The following NALF1 variants were observed in gnomAD, a reference collection of about 807,000 sequenced individuals.
NALF1 encodes NALCN channel auxiliary factor 1, also known as family with sequence similarity 155 member A.
A neutral mutation model predicts 48.4 loss-of-function variants in NALF1; 3 were observed. That is an observed-to-expected ratio of 0.06 (90% CI 0.03 to 0.16). NALF1 has a LOEUF of 0.16. NALF1 is among the 10% of genes least tolerant of loss of function. NALF1 has a pLI of 1.00. For missense variants in NALF1, 526 were observed against 571.5 expected (o/e 0.92, Z 0.81); for synonymous variants, 262 against 245.7 (o/e 1.07, Z -0.62).
chr13:107,717,984 G>A (rs529795110), intron 1 of NALF1, among the ~76,000 whole-genome samples: 1 of 152,226 alleles, frequency 6.6e-6, no homozygotes, highest in East Asian at 1.9e-4. Flanking sequence ...ATTAGACCCA[G>A]CCCTCCACCT....
At chr13:107,232,297 C>T (rs16969900) in intron 1 of NALF1, among the ~76,000 whole-genome samples, 5,596 of 152,188 alleles carry the variant, frequency 0.037, 159 homozygotes, top group South Asian at 0.08. Context: ...TGGAGCGAAC[C>T]GGTAAGACTA....
intron 1 of NALF1, among the ~76,000 whole-genome samples, chr13:107,652,958 T>C (rs1460038208): frequency 1.3e-5 from 2 of 152,150 alleles, no homozygotes; most frequent in East Asian, 3.9e-4. Context: ...TCTTCTATGT[T>C]CTAAGTTGCT....
At chr13:107,404,178 T>C (rs1225267867) in intron 1 of NALF1, among the ~76,000 whole-genome samples, 2 of 152,106 alleles carry the variant, frequency 1.3e-5, no homozygotes, top group Non-Finnish European at 2.9e-5. Context: ...TACCCAAGGG[T>C]AGGTTTTCTT....
At position 107,358,615 on chromosome 13, in the gene NALF1, A is replaced by C. The variant is rs9583167; in HGVS notation, c.916-147860T>G. Among the ~76,000 whole-genome samples the C allele has an allele frequency of 5.0e-3, 766 of 152,266 alleles. 10 individuals are homozygous for C. Among genetic ancestry groups the C allele is most frequent in the African/African-American group, 0.017 (725 of 41,566 alleles). On this transcript the variant is annotated intron_variant, in intron 1 of 2. Coordinates refer to ENST00000375915, the MANE Select transcript of NALF1 (RefSeq NM_001080396.3). ...GGAAGCATGTTTTTTAAAGACATTC[A>C]ATAAAACACAGTGTTGGAAATTAAA...
Position 107,865,742 on chromosome 13 carries a change from C to G in NALF1, c.855G>C (p.Val285=). 1 of 1,614,092 alleles carries G rather than the reference C, an allele frequency of 6.2e-7. No homozygotes were observed. The highest frequency in any genetic ancestry group is 8.5e-7 in the Non-Finnish European group (1 of 1,180,022). Residue 285 remains valine, a synonymous_variant, in exon 1 of 3, where the codon GTG becomes GTC. Transcript: ENST00000375915. The stretch of plus-strand genomic sequence containing the variant: ...CCTCCGACTGTAAATATTTGTGGAG[C>G]ACGCTTTCAAACTCTTCGTATTTCT... ...AQEKYEEFES[V]LHKYLQSEEY...
chr13:107,265,861 A>G (rs1566468756), intron 1 of NALF1, among the ~76,000 whole-genome samples: 1 of 152,216 alleles, frequency 6.6e-6, no homozygotes, highest in Non-Finnish European at 1.5e-5. Context: ...TAGACTAAAT[A>G]AAAAGTATCT....
chr13:107,168,808 T>C lies in NALF1; in HGVS notation c.*1689A>G, dbSNP rs1488793684. 1 of 152,530 alleles carries C rather than the reference T, an allele frequency of 6.6e-6. No individual in the cohort carries two copies. The highest frequency in any genetic ancestry group is 1.5e-5 in the Non-Finnish European group (1 of 68,016). 9.4% of individuals were successfully genotyped at this position (152,530 alleles called of 1,614,324 possible). ...TAAAGTCTGTTTGAACAAAAACAAA[T>C]GCCCGGGGAAATTTCATAGCTATAA... On this transcript the variant is annotated 3_prime_UTR_variant, in exon 3 of 3. Coordinates refer to ENST00000375915, the MANE Select transcript of NALF1 (RefSeq NM_001080396.3).
At position 107,578,506 on chromosome 13, in the gene NALF1, T is replaced by C. The variant is rs116155454; in HGVS notation, c.915+287176A>G. Among the ~76,000 whole-genome samples, 533 of 152,288 alleles carry C rather than the reference T, an allele frequency of 3.5e-3. 3 individuals carry two copies. Among genetic ancestry groups the C allele is most frequent in the African/African-American group, 0.012 (500 of 41,560 alleles). On this transcript the variant is annotated intron_variant, in intron 1 of 2. Coordinates refer to ENST00000375915, the MANE Select transcript of NALF1 (RefSeq NM_001080396.3). ...TGGAACAAATGTTTTGAATTCTGTC[T>C]CAAAACTTCTTTTATATCCTCTACC...
chr13:107,555,707 T>C (rs989710224), intron 1 of NALF1, among the ~76,000 whole-genome samples: 7 of 152,092 alleles, frequency 4.6e-5, no homozygotes, highest in African/African-American at 1.4e-4. Flanking sequence ...CAAATTGCTT[T>C]ATTGTTAATC....
At chr13:107,260,954 T>C (rs564091022) in intron 1 of NALF1, among the ~76,000 whole-genome samples, 2 of 152,320 alleles carry the variant, frequency 1.3e-5, no homozygotes, top group African/African-American at 4.8e-5. Flanking sequence ...CTCTCTTCTT[T>C]TCTTTTCTGT....
At chr13:107,579,874 T>C (rs1054228988) in intron 1 of NALF1, among the ~76,000 whole-genome samples, 6 of 152,006 alleles carry the variant, frequency 3.9e-5, no homozygotes, top group African/African-American at 1.5e-4. Context: ...TCAACCATTG[T>C]GGAAGTCAGT....
chr13:107,536,936 T>C (rs1050407244), intron 1 of NALF1, among the ~76,000 whole-genome samples: 5 of 152,142 alleles, frequency 3.3e-5, no homozygotes, highest in African/African-American at 1.2e-4. Context: ...TGTAGGGACA[T>C]GGATGAAGCT....
chr13:107,261,292 T>C lies in NALF1; in HGVS notation c.916-50537A>G, dbSNP rs553042894. Among the ~76,000 whole-genome samples, 19 of 152,216 alleles carry C rather than the reference T, an allele frequency of 1.2e-4. No individual in the cohort carries two copies. The South Asian group carries it at 4.0e-3, about 32-fold the overall frequency. On this transcript the variant is annotated intron_variant, in intron 1 of 2. Transcript: ENST00000375915. ...TGCTCTTACTCCACACTGTGTACCT[T>C]CCCTCCATCCCATCTCCACGCCCAT...
At chr13:107,771,198 G>A (rs938382226) in intron 1 of NALF1, among the ~76,000 whole-genome samples, 1 of 151,940 alleles carries the variant, frequency 6.6e-6, no homozygotes, top group South Asian at 2.1e-4. Context: ...CTTTCTGGAT[G>A]TTTCCAAATC....
At chr13:107,800,627 A>T (rs1878581026) in intron 1 of NALF1, among the ~76,000 whole-genome samples, 1 of 147,018 alleles carries the variant, frequency 6.8e-6, no homozygotes, top group Admixed American at 6.9e-5. Context: ...ATATTATATA[A>T]TTATATAATA....
intron 1 of NALF1, among the ~76,000 whole-genome samples, chr13:107,532,811 T>C (rs1876682783): frequency 1.1e-5 from 1 of 88,810 alleles, no homozygotes; most frequent in African/African-American, 3.0e-5. Context: ...AATTTAGAGA[T>C]TATTCAGGAA....
intron 1 of NALF1, 60 bp downstream of exon 1, chr13:107,865,622 A>C: frequency 4.5e-6 from 7 of 1,552,744 alleles, no homozygotes; most frequent in Non-Finnish European, 6.1e-6. Context: ...TTGAGAAGAC[A>C]CCCCAACCAA....
intron 1 of NALF1, among the ~76,000 whole-genome samples, chr13:107,861,584 AC>A (rs1479747084): frequency 1.8e-4 from 27 of 152,218 alleles, no homozygotes; most frequent in Non-Finnish European, 4.4e-5. Context: ...GGAGATCGAG[AC>A]CATCCTGGCT....
intron 1 of NALF1, among the ~76,000 whole-genome samples, chr13:107,852,634 C>G (rs1880347191): frequency 6.6e-6 from 1 of 152,166 alleles, no homozygotes; most frequent in South Asian, 2.1e-4. Flanking sequence ...CTTGGTCTGT[C>G]TGATTCATGT....
Sources: allele counts gnomAD v4.1 joint callset (sites outside exome capture counted in the v4.1 genomes callset), GRCh38; gene constraint gnomAD v4.1.1; transcripts MANE v1.5; gene names NCBI Gene and HGNC (gene_info 2026-07-23, HGNC 2026-07-21).